Variants in THBS4 observed in about 807,000 individuals in gnomAD.
THBS4 encodes the protein thrombospondin-4.
Under a neutral mutation model 115.7 loss-of-function variants are expected in THBS4, and 90 were observed. The observed-to-expected ratio is 0.78, with a 90% confidence interval of 0.66 to 0.93. THBS4 has a LOEUF of 0.93. THBS4 is among the 40% of genes least tolerant of loss of function. THBS4 has a pLI of 0.00. For synonymous variants in THBS4, 460 were observed against 479.3 expected (o/e 0.96, Z 0.53); for missense variants, 1,087 against 1,232.7 (o/e 0.88, Z 1.77).
At position 80,059,488 on chromosome 5, in the gene THBS4, T is replaced by C. The variant is rs1375813709; in HGVS notation, c.781T>C (p.Cys261Arg). 6.2e-7 allele frequency: 1 copy of C among 1,614,108 alleles called. No individual in the cohort carries two copies. Among genetic ancestry groups the C allele is most frequent in the Admixed American group, 1.7e-5 (1 of 60,016 alleles). Residue 261 changes from cysteine to arginine, a missense_variant, in exon 6 of 22, where the codon TGC becomes CGC. Physicochemically the swap from Cys to Arg is radical, Grantham distance 180. Around this residue, in one of 3 missense-constraint regions of THBS4, gnomAD observed 979 missense variants for 1,103.7 expected, o/e 0.89. Transcript: ENST00000350881. ...LRNTIAECQA[C>R]GPLKFQSPTP... Reference sequence around the variant, plus strand: ...AAACACCATAGCTGAATGCCAGGCTTGCGGTAAGTGCTTTTCTAGTAATGG... The same window carrying C: ...AAACACCATAGCTGAATGCCAGGCTCGCGGTAAGTGCTTTTCTAGTAATGG...
Position 80,040,089 on chromosome 5 carries a change from TC to T in THBS4, c.104del (p.Pro35HisfsTer7). 6.2e-7 allele frequency: 1 copy of T among 1,614,068 alleles called. No homozygotes were observed. The highest frequency in any genetic ancestry group is 8.5e-7 in the Non-Finnish European group (1 of 1,180,018). On this transcript the variant is annotated frameshift_variant, in exon 2 of 22. Transcript: ENST00000350881. LOFTEE classifies it high-confidence loss of function. ...AQATPQVFDL[L>X]PSSSQRLNPG... ...CCCTTCTTCCCAGTCTTTGACCTTCTCCCATCTTCCAGTCAGAGGCTAAACC... is the reference window on the plus strand; with the variant it reads ...CCCTTCTTCCCAGTCTTTGACCTTCTCCATCTTCCAGTCAGAGGCTAAACC...
chr5:80,004,506 C>T (rs1831977199), intron 2 of THBS4, among the ~76,000 whole-genome samples: 1 of 152,172 alleles, frequency 6.6e-6, no homozygotes, highest in Admixed American at 6.5e-5. Flanking sequence ...TCTCCTGCCA[C>T]TGTGGCCTAC....
At chr5:80,030,993 G>A (rs1316542110), upstream of THBS4, among the ~76,000 whole-genome samples, 5 of 152,284 alleles carry the variant, frequency 3.3e-5, no homozygotes, top group Non-Finnish European at 7.3e-5. Context: ...CCCCACTTGC[G>A]AAGAATGGTG....
rs376440981 is a variant in THBS4, at chr5:80,055,898, C to T, written c.406C>T (p.Arg136Ter). 1.7e-5 allele frequency: 28 copies of T among 1,614,038 alleles called. No individual in the cohort carries two copies. The highest frequency in any genetic ancestry group is 4.0e-5 in the African/African-American group (3 of 74,902). The change falls in exon 3 of 22, where the codon CGA (arginine) becomes TGA (stop). Residue 136 changes from arginine to a stop codon, truncating the protein, a stop_gained. Coordinates refer to ENST00000350881, the MANE Select transcript of THBS4 (RefSeq NM_003248.6). LOFTEE classifies it high-confidence loss of function. ...CCTCCTGAGGCTGAGCAATTTGCAG[C>T]GAGGGGCCGGCTCCCTAGAGCTCTA... ...RILLRLSNLQ[R>*]GAGSLELYLD...
intron 2 of THBS4, 34 bp from the exon 3 acceptor site, chr5:80,055,751 A>G (rs935332864): frequency 6.3e-7 from 1 of 1,591,612 alleles, no homozygotes; most frequent in East Asian, 2.2e-5. Flanking sequence ...TCTGCCACTT[A>G]TCACACCATT....
intron 1 of THBS4, among the ~76,000 whole-genome samples, 189 bp from the exon 2 acceptor site, chr5:80,039,888 C>T (rs1020089025): frequency 2.6e-5 from 4 of 152,140 alleles, no homozygotes; most frequent in African/African-American, 9.7e-5. Flanking sequence ...TCTTCTGGCT[C>T]AAATGTCCAG....
Position 80,059,799 on chromosome 5 carries a change from C to T in THBS4, c.881C>T (p.Pro294Leu), listed in dbSNP as rs772659567. The T allele has an allele frequency of 7.4e-6, 12 of 1,614,218 alleles. No individual in the cohort carries two copies. Among genetic ancestry groups the T allele is most frequent in the Non-Finnish European group, 1.0e-5 (12 of 1,180,034 alleles). ...CCACCTCGTCGGTGTGACTCCAACC[C>T]ATGTTTCCGAGGTGTCCAATGTACC... ...TRPPRRCDSNPCFRGVQCTDS... is the reference protein window; with the variant it reads ...TRPPRRCDSNLCFRGVQCTDS... The change falls in exon 7 of 22, where the codon CCA becomes CTA. Residue 294 changes from proline to leucine, a missense_variant. By Grantham distance (98) the Pro-to-Leu change is moderately conservative. This residue lies in a region of THBS4 where 979 missense variants were observed against 1,103.7 expected (regional missense o/e 0.89). Coordinates refer to ENST00000350881, the MANE Select transcript of THBS4 (RefSeq NM_003248.6).
chr5:80,038,209 C>T (rs534066081), intron 1 of THBS4, among the ~76,000 whole-genome samples: 1 of 152,226 alleles, frequency 6.6e-6, no homozygotes, highest in South Asian at 2.1e-4. Context: ...TATATTTATG[C>T]AACCCGGGGA....
At position 80,079,052 on chromosome 5, in the gene THBS4, G is replaced by T. The variant is rs761321733; in HGVS notation, c.2315-10G>T. The T allele has an allele frequency of 1.9e-5, 30 of 1,611,996 alleles. No individual in the cohort carries two copies. The highest frequency in any genetic ancestry group is 2.7e-5 in the African/African-American group (2 of 74,860). On this transcript the variant is annotated splice_polypyrimidine_tract_variant and intron_variant, in intron 18 of 21. Transcript: ENST00000350881. ...TTGTCTATTGTTCTAATCTTATCTG[G>T]TCCCTACAGGGTACACAGCTTTTAA... is the stretch of plus-strand genomic sequence containing the variant.
At chr5:80,031,486 C>T (rs1832586023), upstream of THBS4, among the ~76,000 whole-genome samples, 1 of 152,322 alleles carries the variant, frequency 6.6e-6, no homozygotes. Flanking sequence ...TAACAAACAA[C>T]CCCCAAACCT....
intron 2 of THBS4, among the ~76,000 whole-genome samples, chr5:80,023,752 T>C (rs1446450766): frequency 6.6e-6 from 1 of 152,140 alleles, no homozygotes; most frequent in Non-Finnish European, 1.5e-5. Context: ...GGTGATGGCC[T>C]GAAGCTGCTT....
At position 80,078,242 on chromosome 5, in the gene THBS4, G is replaced by A. The variant is rs754125392; in HGVS notation, c.2265+15G>A. On this transcript the variant is annotated intron_variant, in intron 17 of 21. Coordinates refer to ENST00000350881, the MANE Select transcript of THBS4 (RefSeq NM_003248.6). ...TCCTGAACCAGGTGAGTGTCACATG[G>A]GCGGCAATGGCTCAGCCTTGCCTCT... is the stretch of plus-strand genomic sequence containing the variant. 1.3e-5 allele frequency: 20 copies of A among 1,557,426 alleles called. No homozygotes were observed. Among genetic ancestry groups the A allele is most frequent in the Non-Finnish European group, 1.5e-5 (17 of 1,142,524 alleles).
upstream of THBS4, among the ~76,000 whole-genome samples, chr5:80,032,241 A>G (rs1374143429): frequency 6.6e-6 from 1 of 152,208 alleles, no homozygotes; most frequent in African/African-American, 2.4e-5. Context: ...AAGTTTACTG[A>G]GACTCCCTAG....
intron 2 of THBS4, among the ~76,000 whole-genome samples, chr5:80,041,640 C>T (rs1403676420): frequency 6.6e-6 from 1 of 152,068 alleles, no homozygotes; most frequent in African/African-American, 2.4e-5. Context: ...GTTTTGTTGC[C>T]GTAGTGAGTT....
chr5:80,058,364 G>C, intron 4 of THBS4, 50 bp downstream of exon 4: 1 of 1,346,862 alleles, frequency 7.4e-7, no homozygotes, highest in Non-Finnish European at 1.0e-6. Context: ...AAACTCCAAA[G>C]ACCCTGAATA....
upstream of THBS4, among the ~76,000 whole-genome samples, chr5:80,032,986 T>C (rs565761484): frequency 4.6e-5 from 7 of 152,322 alleles, no homozygotes; most frequent in East Asian, 1.4e-3. Context: ...AGTTTTTTTG[T>C]TGTTTGTTTG....
At position 80,035,658 on chromosome 5, in the gene THBS4, G is replaced by T; in HGVS notation, c.88+33G>T. On this transcript the variant is annotated intron_variant, in intron 1 of 21. Coordinates refer to ENST00000350881, the MANE Select transcript of THBS4 (RefSeq NM_003248.6). This position sits in a 1 kb window ranked among gnomAD's most constrained non-coding sequence, Gnocchi z 4.6. ...GGTTCGGGTCGGGCCTGGGAGCGCC[G>T]GGCACCGGGTGCCCCATCTGCTGAG... The T allele has an allele frequency of 7.7e-7, 1 of 1,297,572 alleles. No individual in the cohort carries two copies. Among genetic ancestry groups the T allele is most frequent in the Non-Finnish European group, 9.8e-7 (1 of 1,017,662 alleles). 80.4% of individuals were successfully genotyped at this position (1,297,572 alleles called of 1,614,324 possible). A position where few individuals can be genotyped will look rare whatever the true frequency, so the allele number is the denominator to read the frequency against.
At position 80,079,164 on chromosome 5, in the gene THBS4, C is replaced by T; in HGVS notation, c.2417C>T (p.Ser806Phe). The T allele has an allele frequency of 6.2e-7, 1 of 1,614,222 alleles. No homozygotes were observed. The highest frequency in any genetic ancestry group is 8.5e-7 in the Non-Finnish European group (1 of 1,180,040). ...TTTATCTTTGGCTACCAAGATAGCTCCAGCTTCTACGTGGTCATGTGGAAG... is the reference window on the plus strand; with the variant it reads ...TTTATCTTTGGCTACCAAGATAGCTTCAGCTTCTACGTGGTCATGTGGAAG... ...AGFIFGYQDS[S>F]SFYVVMWKQT... Residue 806 changes from serine (S) to phenylalanine (F), a missense_variant, in exon 19 of 22, where the codon TCC becomes TTC. Coordinates refer to ENST00000350881, the MANE Select transcript of THBS4 (RefSeq NM_003248.6).
At chr5:80,036,408 TGGG>T (rs1157215166) in intron 1 of THBS4, among the ~76,000 whole-genome samples, 1 of 152,144 alleles carries the variant, frequency 6.6e-6, no homozygotes, top group African/African-American at 2.4e-5. Context: ...AACTACCAAT[TGGG>T]TACTACGTTC....
Sources: gnomAD v4.1 joint callset for allele counts (sites outside exome capture counted in the v4.1 genomes callset) on GRCh38, gnomAD v4.1.1 for gene constraint, gnomAD v4.1.1 regional missense constraint, Gnocchi (gnomAD v3.1) non-coding constraint, MANE v1.5 for transcripts, NCBI Gene and HGNC (gene_info 2026-07-23, HGNC 2026-07-21) for gene names.